The following PDZRN4 variants were observed in gnomAD, a reference collection of about 807,000 sequenced individuals.
PDZRN4 encodes PDZ domain containing ring finger 4, also known as PDZ domain-containing RING finger protein 4.
PDZRN4 carries 70 observed loss-of-function variants against 99.0 expected under a neutral mutation model. That is an observed-to-expected ratio of 0.71 (90% CI 0.58 to 0.86). The LOEUF (loss-of-function observed/expected upper bound fraction) is 0.86, where lower values mean the gene tolerates loss of function less well. PDZRN4 is among the 40% of genes least tolerant of loss of function. The pLI is 0.00. For synonymous variants in PDZRN4, 551 were observed against 501.6 expected, an observed-to-expected ratio of 1.10 and a Z score of -1.32; for missense variants, 1,474 against 1,331.2, an observed-to-expected ratio of 1.11 and a Z score of -1.67.
In PDZRN4 at chr12:41,572,379, G is replaced by A. The variant is rs773345137; in HGVS notation, c.1600G>A (p.Glu534Lys). Reference sequence around the variant, plus strand: ...ATTTTCTTAGCCAAAAAAGCAAGAAGAAGAAGAAGGCACAACAGACACTGC... The same window carrying A: ...ATTTTCTTAGCCAAAAAAGCAAGAAAAAGAAGAAGGCACAACAGACACTGC... ...NEVEQPKKQEEEEGTTDTATS... is the reference protein window; with the variant it reads ...NEVEQPKKQEKEEGTTDTATS... Residue 534 changes from glutamate (E) to lysine (K), a missense_variant, in exon 10 of 10, where the codon GAA becomes AAA. Transcript: ENST00000402685. 6.3e-7 allele frequency: 1 copy of A among 1,597,758 alleles called. No homozygotes were observed. The highest frequency in any genetic ancestry group is 1.7e-5 in the Admixed American group (1 of 57,970).
At chr12:41,538,950 A>G (rs1385288234) in intron 5 of PDZRN4, among the ~76,000 whole-genome samples, 2 of 152,040 alleles carry the variant, frequency 1.3e-5, no homozygotes, top group African/African-American at 2.4e-5. Context: ...TTTATTTTGC[A>G]TTTTGTGAAA....
At chr12:41,459,917 T>C in intron 3 of PDZRN4, 1 of 1,254,218 alleles carries the variant, frequency 8.0e-7, no homozygotes, top group Non-Finnish European at 1.0e-6. Context: ...CTTTACTGTT[T>C]TGACTGAAGG....
At chr12:41,253,089 T>C (rs1210714988) in intron 3 of PDZRN4, among the ~76,000 whole-genome samples, 1 of 152,150 alleles carries the variant, frequency 6.6e-6, no homozygotes, top group Admixed American at 6.5e-5. Flanking sequence ...TGAATTGAGA[T>C]AAAACTGTAG....
chr12:41,224,325 A>G (rs910782265), intron 3 of PDZRN4, among the ~76,000 whole-genome samples: 15 of 152,186 alleles, frequency 9.9e-5, no homozygotes, highest in Non-Finnish European at 1.5e-5. Context: ...TCTCTTAACC[A>G]ATGGCCAGCT....
Position 41,378,520 on chromosome 12 carries a change from ATT to A in PDZRN4, c.844-127918_844-127917del, listed in dbSNP as rs71081733. Among the ~76,000 whole-genome samples the A allele has an allele frequency of 5.6e-4, 58 of 102,842 alleles. 1 individual carries two copies. Among genetic ancestry groups the A allele is most frequent in the African/African-American group, 1.6e-3 (42 of 26,764 alleles). The allele number at this position is 102,842 out of a possible 152,430, so 67.5% of individuals were successfully genotyped here. On this transcript the variant is annotated intron_variant, in intron 3 of 9. Coordinates refer to ENST00000402685, the MANE Select transcript of PDZRN4 (RefSeq NM_001164595.2). Reference sequence around the variant, plus strand: ...TTTGGAAGTGCTCCTTCTGTCTTCAATTTTTTTTTTTTTTTTTTTGAGACAGA... The same window carrying A: ...TTTGGAAGTGCTCCTTCTGTCTTCAATTTTTTTTTTTTTTTTTGAGACAGA...
At chr12:41,304,189 G>A (rs1951554853) in intron 3 of PDZRN4, among the ~76,000 whole-genome samples, 1 of 152,140 alleles carries the variant, frequency 6.6e-6, no homozygotes, top group Non-Finnish European at 1.5e-5. Flanking sequence ...ATACTTTCGA[G>A]TTTACAAAGT....
intron 3 of PDZRN4, among the ~76,000 whole-genome samples, chr12:41,504,013 G>T (rs1938157901): frequency 6.6e-6 from 1 of 152,148 alleles, no homozygotes; most frequent in Non-Finnish European, 1.5e-5. Context: ...GCTCATGCCT[G>T]CAATCCCAGC....
At chr12:41,544,030 A>G (rs890459856) in intron 5 of PDZRN4, among the ~76,000 whole-genome samples, 1 of 152,238 alleles carries the variant, frequency 6.6e-6, no homozygotes, top group Admixed American at 6.5e-5. Context: ...GACCAGAAAT[A>G]ACTACTGTGC....
Position 41,279,259 on chromosome 12 carries a change from T to C in PDZRN4, c.843+85071T>C, listed in dbSNP as rs934423560. Among the ~76,000 whole-genome samples the C allele has an allele frequency of 4.6e-5, 7 of 152,340 alleles. No homozygotes were observed. The East Asian group carries it at 9.6e-4, about 21-fold the overall frequency. ...ACTAGAGAGATGTATAAGATTCCCTTAAACTCAAAATTATTTAAGAACTTT... is the reference window on the plus strand; with the variant it reads ...ACTAGAGAGATGTATAAGATTCCCTCAAACTCAAAATTATTTAAGAACTTT... On this transcript the variant is annotated intron_variant, in intron 3 of 9. Coordinates refer to ENST00000402685, the MANE Select transcript of PDZRN4 (RefSeq NM_001164595.2).
At chr12:41,348,254 G>GA (rs1488210441) in intron 3 of PDZRN4, among the ~76,000 whole-genome samples, 2 of 152,078 alleles carry the variant, frequency 1.3e-5, no homozygotes, top group Admixed American at 1.3e-4. Context: ...CTGTGCTGTA[G>GA]AGCAGCACTT....
chr12:41,559,268 C>A (rs866477095), intron 7 of PDZRN4, among the ~76,000 whole-genome samples: 2 of 152,210 alleles, frequency 1.3e-5, no homozygotes, highest in Middle Eastern at 3.4e-3. Context: ...AACCAGGAAC[C>A]AACTTCCTGA....
intron 3 of PDZRN4, among the ~76,000 whole-genome samples, chr12:41,305,295 G>C (rs571284580): frequency 3.3e-5 from 5 of 152,280 alleles, no homozygotes; most frequent in African/African-American, 1.2e-4. Context: ...GATGCCATTA[G>C]TAAACCAGAA....
intron 3 of PDZRN4, among the ~76,000 whole-genome samples, chr12:41,419,498 A>G (rs1200310874): frequency 6.6e-6 from 1 of 152,150 alleles, no homozygotes; most frequent in African/African-American, 2.4e-5. Flanking sequence ...ACCAGACAGT[A>G]AGGTAACCAA....
chr12:41,485,849 C>G (rs1326936342), intron 3 of PDZRN4, among the ~76,000 whole-genome samples: 1 of 152,058 alleles, frequency 6.6e-6, no homozygotes, highest in Non-Finnish European at 1.5e-5. Flanking sequence ...GTCTTTGCTA[C>G]AACTTAGTCT....
intron 3 of PDZRN4, among the ~76,000 whole-genome samples, chr12:41,273,066 G>A (rs1951325998): frequency 6.6e-6 from 1 of 151,984 alleles, no homozygotes; most frequent in African/African-American, 2.4e-5. Flanking sequence ...GCTTCATTTA[G>A]TAGTCTGCTT....
intron 3 of PDZRN4, among the ~76,000 whole-genome samples, chr12:41,289,120 C>T (rs555911461): frequency 3.9e-4 from 59 of 152,014 alleles, no homozygotes; most frequent in Non-Finnish European, 7.9e-4. Flanking sequence ...GAATTCTGAA[C>T]AAAACTTCAG....
intron 3 of PDZRN4, among the ~76,000 whole-genome samples, chr12:41,236,714 CA>C (rs1362818608): frequency 7.2e-5 from 11 of 151,944 alleles, no homozygotes; most frequent in African/African-American, 2.2e-4. Flanking sequence ...TTCTTTTTGC[CA>C]ATATGGCAAG....
chr12:41,561,455 T>G (rs1939268124), intron 7 of PDZRN4, among the ~76,000 whole-genome samples: 1 of 151,682 alleles, frequency 6.6e-6, no homozygotes, highest in Non-Finnish European at 1.5e-5. Context: ...AGAAAGGCAC[T>G]ATTATTATAT....
intron 3 of PDZRN4, among the ~76,000 whole-genome samples, chr12:41,499,322 A>C (rs1938070291): frequency 6.6e-6 from 1 of 152,150 alleles, no homozygotes; most frequent in Non-Finnish European, 1.5e-5. Flanking sequence ...CTCATGTGCC[A>C]AAAAGCAGAA....
Sources: gnomAD v4.1 joint callset for allele counts (sites outside exome capture counted in the v4.1 genomes callset) on GRCh38, gnomAD v4.1.1 for gene constraint, MANE v1.5 for transcripts, NCBI Gene and HGNC (gene_info 2026-07-23, HGNC 2026-07-21) for gene names.